The following RPIA variants were observed in gnomAD, a reference collection of about 807,000 sequenced individuals.
RPIA encodes ribose 5-phosphate isomerase A.
A neutral mutation model predicts 37.8 loss-of-function variants in RPIA; 29 were observed. That is an observed-to-expected ratio of 0.77 (90% CI 0.57 to 1.05). The LOEUF (loss-of-function observed/expected upper bound fraction) is 1.05, where lower values mean the gene tolerates loss of function less well. Among genes scored for constraint, RPIA ranks in the 50% least tolerant of loss-of-function variants. The pLI is 0.00. For synonymous variants in RPIA, 167 were observed against 157.0 expected, an observed-to-expected ratio of 1.06 and a Z score of -0.48; for missense variants, 385 against 413.6, an observed-to-expected ratio of 0.93 and a Z score of 0.60.
chr2:88,720,995 G>T (rs1386796314), intron 3 of RPIA, among the ~76,000 whole-genome samples: 1 of 152,136 alleles, frequency 6.6e-6, no homozygotes, highest in African/African-American at 2.4e-5. Context: ...ACTGGATAAA[G>T]AAAATGTGGC....
intron 8 of RPIA, among the ~76,000 whole-genome samples, chr2:88,746,138 A>T (rs1050733439): frequency 1.3e-5 from 2 of 152,058 alleles, no homozygotes; most frequent in African/African-American, 4.8e-5. Flanking sequence ...AAGTTTGATT[A>T]TCTTTTCTTT....
intron 5 of RPIA, among the ~76,000 whole-genome samples, chr2:88,735,372 T>C (rs532978065): frequency 6.6e-6 from 1 of 152,272 alleles, no homozygotes; most frequent in African/African-American, 2.4e-5. Flanking sequence ...TCATGCCATG[T>C]CCAGATGACA....
At chr2:88,748,546 T>A (rs1170702137) in intron 8 of RPIA, among the ~76,000 whole-genome samples, 1 of 152,230 alleles carries the variant, frequency 6.6e-6, no homozygotes, top group African/African-American at 2.4e-5. Context: ...CATTATACCT[T>A]TTCTCTTACA....
At chr2:88,728,223 C>T (rs1024001830) in intron 3 of RPIA, among the ~76,000 whole-genome samples, 1 of 152,064 alleles carries the variant, frequency 6.6e-6, no homozygotes, top group African/African-American at 2.4e-5. Flanking sequence ...ATTGTCTTAT[C>T]CTTTAAAAGT....
intron 3 of RPIA, among the ~76,000 whole-genome samples, chr2:88,727,846 C>CA (rs1673218089): frequency 6.6e-6 from 1 of 152,096 alleles, no homozygotes; most frequent in Non-Finnish European, 1.5e-5. Flanking sequence ...TTGATAAGTT[C>CA]AAAATCATAA....
At chr2:88,706,451 G>A (rs374836588) in intron 3 of RPIA, among the ~76,000 whole-genome samples, 1 of 149,368 alleles carries the variant, frequency 6.7e-6, no homozygotes, top group Non-Finnish European at 1.5e-5. Flanking sequence ...ACTAACACAG[G>A]AACGGAAAAC....
At chr2:88,742,192 C>T (rs1447029002) in intron 8 of RPIA, among the ~76,000 whole-genome samples, 2 of 152,146 alleles carry the variant, frequency 1.3e-5, no homozygotes, top group South Asian at 2.1e-4. Context: ...TTCAAGTCTT[C>T]AATTTAAGTC....
chr2:88,741,070 T>C (rs529144913), intron 8 of RPIA, among the ~76,000 whole-genome samples: 1 of 152,310 alleles, frequency 6.6e-6, no homozygotes, highest in South Asian at 2.1e-4. Context: ...ATTTTTAAAA[T>C]TATTTCAATA....
chr2:88,750,120 C>A lies in RPIA; in HGVS notation c.*42C>A. The A allele has an allele frequency of 4.9e-6, 7 of 1,426,404 alleles. No homozygotes were observed. The highest frequency in any genetic ancestry group is 6.9e-6 in the Non-Finnish European group (7 of 1,012,628). The allele number at this position is 1,426,404 out of a possible 1,614,324, so 88.4% of individuals were successfully genotyped here. A position where few individuals can be genotyped will look rare whatever the true frequency, so the allele number is the denominator to read the frequency against. ...GTGTGTTCACCTTGAGTCTCCAGCCCACAGCCAAGGTGGACGTACCTCTCC... is the reference window on the plus strand; with the variant it reads ...GTGTGTTCACCTTGAGTCTCCAGCCAACAGCCAAGGTGGACGTACCTCTCC... On this transcript the variant is annotated 3_prime_UTR_variant, in exon 9 of 9. Coordinates refer to ENST00000283646, the MANE Select transcript of RPIA (RefSeq NM_144563.3).
intron 3 of RPIA, among the ~76,000 whole-genome samples, chr2:88,708,754 ATTTTTTT>A (rs59981047): frequency 7.8e-6 from 1 of 128,154 alleles, no homozygotes; most frequent in Non-Finnish European, 1.7e-5. Flanking sequence ...TGCCAAATGG[ATTTTTTT>A]TTTTTTTTTT....
intron 3 of RPIA, among the ~76,000 whole-genome samples, chr2:88,711,360 G>A (rs1672960408): frequency 6.6e-6 from 1 of 152,210 alleles, no homozygotes; most frequent in South Asian, 2.1e-4. Context: ...CTAGAAAGGT[G>A]GGACAACTTG....
chr2:88,733,349 T>G (rs553818187), intron 4 of RPIA, among the ~76,000 whole-genome samples: 1 of 152,294 alleles, frequency 6.6e-6, no homozygotes, highest in East Asian at 1.9e-4. Context: ...GGTTGAGACT[T>G]GATGGTGATC....
intron 3 of RPIA, among the ~76,000 whole-genome samples, chr2:88,723,538 G>A (rs1673159970): frequency 6.6e-6 from 1 of 152,056 alleles, no homozygotes; most frequent in South Asian, 2.1e-4. Flanking sequence ...TCTCTGGAGG[G>A]TGTACTCCCA....
At chr2:88,711,843 C>T (rs1364265102) in intron 3 of RPIA, among the ~76,000 whole-genome samples, 1 of 152,166 alleles carries the variant, frequency 6.6e-6, no homozygotes, top group African/African-American at 2.4e-5. Context: ...TTTTGTTCAT[C>T]TTAAGATCTG....
intron 3 of RPIA, among the ~76,000 whole-genome samples, chr2:88,701,535 C>T (rs976482786): frequency 4.3e-4 from 5 of 11,542 alleles, no homozygotes; most frequent in Non-Finnish European, 8.8e-4. Context: ...ACCTAGAAAG[C>T]ACACTCTTAT....
At chr2:88,724,302 CTTTGT>C (rs989526930) in intron 3 of RPIA, among the ~76,000 whole-genome samples, 5 of 151,882 alleles carry the variant, frequency 3.3e-5, no homozygotes, top group African/African-American at 9.7e-5. Flanking sequence ...TTTCTTTTTT[CTTTGT>C]TTTGTTTTGT....
intron 8 of RPIA, among the ~76,000 whole-genome samples, chr2:88,740,308 G>A (rs1455092539): frequency 2.0e-5 from 3 of 152,146 alleles, no homozygotes; most frequent in African/African-American, 4.8e-5. Context: ...TAGAAGCTGC[G>A]TCCTAAAGAC....
rs1197032808 is a variant in RPIA at position 88,691,796 on chromosome 2, G to C, written c.98G>C (p.Ser33Thr). The change falls in exon 1 of 9, where the codon AGC becomes ACC. Residue 33 changes from serine (S) to threonine (T), a missense_variant. Ser to Thr is a moderately conservative substitution (Grantham distance 58, BLOSUM62 1). Coordinates refer to ENST00000283646, the MANE Select transcript of RPIA (RefSeq NM_144563.3). ...GGAASGGGGN[S>T]WDLPGSHVRL... The stretch of plus-strand genomic sequence containing the variant: ...GCGGCCTCCGGCGGAGGAGGGAACA[G>C]CTGGGACCTCCCGGGTTCCCACGTG... 1 of 1,594,806 alleles carries C rather than the reference G, an allele frequency of 6.3e-7. No homozygotes were observed. The highest frequency in any genetic ancestry group is 1.1e-5 in the South Asian group (1 of 89,430).
chr2:88,697,248 T>G (rs1187344588), intron 1 of RPIA, among the ~76,000 whole-genome samples: 1 of 152,244 alleles, frequency 6.6e-6, no homozygotes, highest in Non-Finnish European at 1.5e-5. Flanking sequence ...TTTCAAAGTC[T>G]TAAGTTTTTC....
Sources: allele counts gnomAD v4.1 joint callset (sites outside exome capture counted in the v4.1 genomes callset), GRCh38; gene constraint gnomAD v4.1.1; transcripts MANE v1.5; gene names NCBI Gene and HGNC (gene_info 2026-07-23, HGNC 2026-07-21).